The following DLG2 variants were observed in gnomAD, a reference collection of about 807,000 sequenced individuals.
DLG2 encodes the protein discs large MAGUK scaffold protein 2, also known as disks large homolog 2.
A neutral mutation model predicts 132.5 loss-of-function variants in DLG2; 45 were observed. That is an observed-to-expected ratio of 0.34 (90% CI 0.27 to 0.44). DLG2 has a LOEUF of 0.44. DLG2 is among the 20% of genes least tolerant of loss of function. The pLI is 1.00. For synonymous variants in DLG2, 424 were observed against 419.6 expected (o/e 1.01, Z -0.13); for missense variants, 1,045 against 1,196.9 (o/e 0.87, Z 1.87).
chr11:84,672,311 G>A (rs1316220353), intron 6 of DLG2, among the ~76,000 whole-genome samples: 2 of 152,086 alleles, frequency 1.3e-5, no homozygotes, highest in Non-Finnish European at 2.9e-5. Flanking sequence ...TGAGTCACAT[G>A]ACATATCTAT....
intron 11 of DLG2, among the ~76,000 whole-genome samples, chr11:84,012,222 AT>A (rs1385897085): frequency 6.6e-6 from 1 of 152,152 alleles, no homozygotes; most frequent in Non-Finnish European, 1.5e-5. Flanking sequence ...GTCATGAAAC[AT>A]TTTAGTTATT....
chr11:84,187,619 T>C (rs1421752301), intron 8 of DLG2, among the ~76,000 whole-genome samples: 2 of 151,958 alleles, frequency 1.3e-5, no homozygotes, highest in Non-Finnish European at 2.9e-5. Flanking sequence ...CCAAGAAAAA[T>C]TTTATCTCAA....
intron 15 of DLG2, among the ~76,000 whole-genome samples, chr11:83,901,495 C>T (rs533191632): frequency 2.8e-4 from 43 of 152,250 alleles, no homozygotes; most frequent in Middle Eastern, 3.4e-3. Context: ...AGAAGTCTCA[C>T]GAGATCCGAT....
intron 2 of DLG2, among the ~76,000 whole-genome samples, chr11:85,625,468 C>T (rs2081981740): frequency 6.6e-6 from 1 of 152,138 alleles, no homozygotes; most frequent in Non-Finnish European, 1.5e-5. Context: ...TCTTAAATCC[C>T]AGTGTGCAAA....
At chr11:84,016,672 T>A (rs1412484373) in intron 11 of DLG2, among the ~76,000 whole-genome samples, 1 of 152,166 alleles carries the variant, frequency 6.6e-6, no homozygotes, top group East Asian at 1.9e-4. Context: ...GTGCATGGTC[T>A]TATTTCTGGG....
At chr11:84,130,191 T>C (rs1413085747) in intron 9 of DLG2, among the ~76,000 whole-genome samples, 2 of 151,946 alleles carry the variant, frequency 1.3e-5, no homozygotes, top group Non-Finnish European at 2.9e-5. Context: ...TCTGAAACTA[T>C]GTTCTACACA....
At chr11:85,460,675 G>T (rs73503506) in intron 3 of DLG2, among the ~76,000 whole-genome samples, 1,861 of 152,252 alleles carry the variant, frequency 0.012, 40 homozygotes, top group African/African-American at 0.042. Context: ...CCTCTCCCAT[G>T]ATCACCCCTC....
intron 21 of DLG2, among the ~76,000 whole-genome samples, chr11:83,509,423 A>G (rs1374131266): frequency 1.3e-5 from 2 of 152,200 alleles, no homozygotes; most frequent in African/African-American, 2.4e-5. Context: ...CTCTCCACCT[A>G]CAGAGCATAT....
At chr11:85,461,499 G>T (rs1453253267) in intron 3 of DLG2, among the ~76,000 whole-genome samples, 2 of 152,214 alleles carry the variant, frequency 1.3e-5, no homozygotes, top group African/African-American at 4.8e-5. Context: ...ATGCTGCCAT[G>T]AGTGGAGTAT....
At chr11:84,492,645 C>G (rs11234045) in intron 7 of DLG2, among the ~76,000 whole-genome samples, 2 of 151,990 alleles carry the variant, frequency 1.3e-5, no homozygotes, top group African/African-American at 4.8e-5. Flanking sequence ...ATGTAAAATG[C>G]GTAGTGCAAC....
chr11:85,029,048 G>A (rs1041931955), intron 6 of DLG2, among the ~76,000 whole-genome samples: 2 of 152,154 alleles, frequency 1.3e-5, no homozygotes, highest in African/African-American at 2.4e-5. Context: ...ATTAGTATTT[G>A]CTAAAAGCTT....
At chr11:83,561,070 G>A (rs921550338) in intron 19 of DLG2, among the ~76,000 whole-genome samples, 15 of 152,164 alleles carry the variant, frequency 9.9e-5, no homozygotes, top group South Asian at 6.2e-4. Context: ...GGAGCAAGGC[G>A]TTGGGGAAGG....
At chr11:85,410,392 C>T (rs1397032500) in intron 3 of DLG2, among the ~76,000 whole-genome samples, 1 of 151,406 alleles carries the variant, frequency 6.6e-6, no homozygotes, top group East Asian at 1.9e-4. Flanking sequence ...CAATAGTAGC[C>T]CATAAGCCAC....
chr11:85,493,851 G>GA (rs2093615702), intron 3 of DLG2, among the ~76,000 whole-genome samples: 1 of 151,634 alleles, frequency 6.6e-6, no homozygotes, highest in South Asian at 2.1e-4. Context: ...GAAAAGAAAA[G>GA]AAGAAAGGAA....
intron 8 of DLG2, among the ~76,000 whole-genome samples, chr11:84,178,474 C>T (rs998489922): frequency 1.3e-5 from 2 of 152,076 alleles, no homozygotes; most frequent in Non-Finnish European, 2.9e-5. Flanking sequence ...ATCAACATAT[C>T]CCTGCCTGAA....
At chr11:83,892,622 A>G (rs1398052075) in intron 15 of DLG2, among the ~76,000 whole-genome samples, 1 of 152,122 alleles carries the variant, frequency 6.6e-6, no homozygotes, top group Non-Finnish European at 1.5e-5. Flanking sequence ...AGAGGATTTG[A>G]AAGGGCATAA....
chr11:84,522,189 A>AAAAAAG (rs2099304701), intron 7 of DLG2, among the ~76,000 whole-genome samples: 1 of 152,048 alleles, frequency 6.6e-6, no homozygotes, highest in African/African-American at 2.4e-5. Flanking sequence ...AACAAAAAAA[A>AAAAAAG]AAAAAGAAAA....
chr11:84,337,384 A>T (rs2098491068), intron 7 of DLG2, among the ~76,000 whole-genome samples: 1 of 152,214 alleles, frequency 6.6e-6, no homozygotes, highest in Non-Finnish European at 1.5e-5. Context: ...TATTCATTGT[A>T]GAAAAGTTAG....
chr11:84,754,823 T>C (rs7103862), intron 6 of DLG2, among the ~76,000 whole-genome samples: 71,770 of 151,988 alleles, frequency 0.47, 17,961 homozygotes, highest in Non-Finnish European at 0.57. Flanking sequence ...GATTACTCAA[T>C]TGTTACAAAT....
Sources: gnomAD v4.1 joint callset for allele counts (sites outside exome capture counted in the v4.1 genomes callset) on GRCh38, gnomAD v4.1.1 for gene constraint, MANE v1.5 for transcripts, NCBI Gene and HGNC (gene_info 2026-07-23, HGNC 2026-07-21) for gene names.